Variants in B3GALT1 observed in about 807,000 individuals in gnomAD.
B3GALT1 encodes the protein beta-1,3-galactosyltransferase 1, also known as UDP-Gal:betaGlcNAc beta 1,3-galactosyltransferase, polypeptide 1.
In B3GALT1, 10 loss-of-function variants were observed where a neutral mutation model predicts 23.2. That is an observed-to-expected ratio of 0.43 (90% CI 0.27 to 0.73). The LOEUF is 0.73. Among genes scored for constraint, B3GALT1 ranks in the 30% least tolerant of loss-of-function variants. The pLI is 0.21. For missense variants in B3GALT1, 299 were observed against 405.4 expected (o/e 0.74, Z 2.25); for synonymous variants, 156 against 141.5 (o/e 1.10, Z -0.73).
chr2:167,437,762 A>C (rs746908659), intron 1 of B3GALT1, among the ~76,000 whole-genome samples: 5 of 152,086 alleles, frequency 3.3e-5, no homozygotes, highest in Non-Finnish European at 5.9e-5. Flanking sequence ...AAAATCCCCA[A>C]ATGCTCAGCC....
intron 3 of B3GALT1, among the ~76,000 whole-genome samples, chr2:167,779,892 T>C (rs928851647): frequency 6.6e-6 from 1 of 152,204 alleles, no homozygotes; most frequent in Non-Finnish European, 1.5e-5. Flanking sequence ...TATTAAAAGA[T>C]TTACCACATA....
chr2:167,478,547 T>C (rs2105334845), intron 1 of B3GALT1, among the ~76,000 whole-genome samples: 1 of 134,270 alleles, frequency 7.4e-6, no homozygotes, highest in Non-Finnish European at 1.6e-5. Flanking sequence ...CCAACTTTCT[T>C]TTTTTTTTAG....
Position 167,460,959 on chromosome 2 carries a change from G to C in B3GALT1, c.-510-29218G>C, listed in dbSNP as rs183639184. ...TTTAATATTATAATCATTAATGCCTGGTTCCTAAAAGGGGTAAAAAGAGAG... is the reference window on the plus strand; with the variant it reads ...TTTAATATTATAATCATTAATGCCTCGTTCCTAAAAGGGGTAAAAAGAGAG... On this transcript the variant is annotated intron_variant, in intron 1 of 4. Transcript: ENST00000392690. 7.2e-5 allele frequency among the ~76,000 whole-genome samples: 11 copies of C among 152,178 alleles called. No individual in the cohort carries two copies. In the East Asian group the frequency reaches 2.1e-3, roughly 29 times the overall value.
At chr2:167,704,987 A>T (rs558785292) in intron 3 of B3GALT1, among the ~76,000 whole-genome samples, 32 of 152,334 alleles carry the variant, frequency 2.1e-4, no homozygotes, top group South Asian at 1.2e-3. Context: ...GTTACTCGCC[A>T]TAAATCTTCA....
At chr2:167,686,474 T>C (rs1318437394) in intron 3 of B3GALT1, among the ~76,000 whole-genome samples, 12 of 152,224 alleles carry the variant, frequency 7.9e-5, no homozygotes, top group Non-Finnish European at 4.4e-5. Flanking sequence ...CCAAATATCA[T>C]AAAATTTAAA....
intron 4 of B3GALT1, among the ~76,000 whole-genome samples, chr2:167,840,956 A>G (rs546008294): frequency 4.8e-5 from 7 of 146,822 alleles, no homozygotes; most frequent in African/African-American, 1.8e-4. Context: ...ATTCTCACTC[A>G]TAGGTGGGAA....
intron 3 of B3GALT1, chr2:167,715,131 C>T: frequency 6.2e-7 from 1 of 1,613,870 alleles, no homozygotes; most frequent in South Asian, 1.1e-5. Context: ...TTCTTCAAAG[C>T]TCCTTTGGGA....
intron 2 of B3GALT1, among the ~76,000 whole-genome samples, chr2:167,597,205 T>C (rs1042332877): frequency 6.6e-6 from 1 of 150,478 alleles, no homozygotes; most frequent in Non-Finnish European, 1.5e-5. Flanking sequence ...AAACTCCGCC[T>C]TCCGGGTTCA....
chr2:167,329,046 C>T (rs1696934763), intron 1 of B3GALT1, among the ~76,000 whole-genome samples: 1 of 152,074 alleles, frequency 6.6e-6, no homozygotes, highest in Non-Finnish European at 1.5e-5. Context: ...CTCCTGACCT[C>T]AGGTGATCCA....
chr2:167,458,372 G>A (rs966702127), intron 1 of B3GALT1, among the ~76,000 whole-genome samples: 2 of 152,122 alleles, frequency 1.3e-5, no homozygotes, highest in Non-Finnish European at 2.9e-5. Context: ...TGGACACTTG[G>A]GTTGCTTCTA....
At chr2:167,845,080 T>A (rs1203139661) in intron 4 of B3GALT1, among the ~76,000 whole-genome samples, 1 of 152,068 alleles carries the variant, frequency 6.6e-6, no homozygotes, top group Non-Finnish European at 1.5e-5. Context: ...CCACAGCAGC[T>A]GCAGCAACAC....
At chr2:167,528,530 A>G (rs1446607560) in intron 2 of B3GALT1, among the ~76,000 whole-genome samples, 1 of 152,142 alleles carries the variant, frequency 6.6e-6, no homozygotes, top group African/African-American at 2.4e-5. Flanking sequence ...TATAGTCCAT[A>G]GCCAGACAAC....
chr2:167,509,967 A>T (rs1238711556), intron 2 of B3GALT1, among the ~76,000 whole-genome samples: 1 of 152,210 alleles, frequency 6.6e-6, no homozygotes, highest in Non-Finnish European at 1.5e-5. Flanking sequence ...AGAGATGAGA[A>T]TGGTGTACTG....
At chr2:167,528,550 A>G (rs1683263699) in intron 2 of B3GALT1, among the ~76,000 whole-genome samples, 1 of 152,122 alleles carries the variant, frequency 6.6e-6, no homozygotes, top group South Asian at 2.1e-4. Flanking sequence ...CCTAGACCAA[A>G]TTCTACTTCG....
rs1033190188 is a variant in B3GALT1, at chr2:167,300,366, A to G, written c.-511+7032A>G. 3.9e-5 allele frequency among the ~76,000 whole-genome samples: 6 copies of G among 152,342 alleles called. 1 individual carries two copies. Among genetic ancestry groups the G allele is most frequent in the Non-Finnish European group, 7.4e-5 (5 of 68,024 alleles). On this transcript the variant is annotated intron_variant, in intron 1 of 4. Coordinates refer to ENST00000392690, the MANE Select transcript of B3GALT1 (RefSeq NM_020981.4). ...TAAATAAGTAGAGAAAAAGAGTAAT[A>G]CTAAATGTATATATATATTCACATA...
chr2:167,814,274 A>G (rs2105356258), intron 3 of B3GALT1, among the ~76,000 whole-genome samples: 1 of 152,266 alleles, frequency 6.6e-6, no homozygotes, highest in East Asian at 1.9e-4. Flanking sequence ...AGATTGTTCC[A>G]TTTTCATGGG....
intron 3 of B3GALT1, among the ~76,000 whole-genome samples, chr2:167,661,784 A>C (rs1057298855): frequency 3.9e-5 from 6 of 152,126 alleles, no homozygotes; most frequent in African/African-American, 1.4e-4. Flanking sequence ...ATCAAATATG[A>C]AACCAAAGGA....
At chr2:167,326,141 A>G (rs1342987076) in intron 1 of B3GALT1, among the ~76,000 whole-genome samples, 1 of 150,450 alleles carries the variant, frequency 6.6e-6, no homozygotes, top group Non-Finnish European at 1.5e-5. Context: ...GTATGATGAT[A>G]TCTCATTGTG....
At chr2:167,434,464 C>T (rs1698747846) in intron 1 of B3GALT1, among the ~76,000 whole-genome samples, 1 of 147,130 alleles carries the variant, frequency 6.8e-6, no homozygotes, top group African/African-American at 2.5e-5. Context: ...CAATTCTAAA[C>T]ACTGTATCAT....
Sources: allele counts gnomAD v4.1 joint callset (sites outside exome capture counted in the v4.1 genomes callset), GRCh38; gene constraint gnomAD v4.1.1; transcripts MANE v1.5; gene names NCBI Gene and HGNC (gene_info 2026-07-23, HGNC 2026-07-21).